The following GFRA2 variants were observed in gnomAD, a reference collection of about 807,000 sequenced individuals.
GFRA2 encodes GDNF family receptor alpha 2, also known as GDNF family receptor alpha-2.
In GFRA2, 17 loss-of-function variants were observed where a neutral mutation model predicts 48.3. The ratio of observed to expected loss-of-function variants is 0.35; its 90% CI spans 0.24 to 0.53. GFRA2 has a LOEUF of 0.53. GFRA2 is among the 20% of genes least tolerant of loss of function. GFRA2 has a pLI of 0.93. For missense variants in GFRA2, 660 were observed against 637.3 expected, an observed-to-expected ratio of 1.04 and a Z score of -0.38; for synonymous variants, 305 against 257.2, an observed-to-expected ratio of 1.19 and a Z score of -1.78.
intron 5 of GFRA2, 62 bp from the exon 6 acceptor site, chr8:21,705,187 A>G (rs1254596886): frequency 1.8e-5 from 27 of 1,535,590 alleles, no homozygotes; most frequent in Non-Finnish European, 2.4e-5. Flanking sequence ...CCTTGGGCCC[A>G]CAGACCAACC....
chr8:21,767,675 A>C (rs2117675876), intron 3 of GFRA2, among the ~76,000 whole-genome samples: 1 of 151,968 alleles, frequency 6.6e-6, no homozygotes, highest in African/African-American at 2.4e-5. Flanking sequence ...ACGGAAGGAG[A>C]AGCAGGCAGG....
rs146865414 is a variant in GFRA2, at chr8:21,728,761, T to C, written c.794+21827A>G. Among the ~76,000 whole-genome samples, 217 of 152,362 alleles carry C rather than the reference T, an allele frequency of 1.4e-3. 2 individuals carry two copies. The highest frequency in any genetic ancestry group is 0.013 in the Admixed American group (199 of 15,300). Reference sequence around the variant, plus strand: ...GTCCCTTAAAATCTCTAATCCTGCGTCCTTATCTGAACACAAAGAAATTCT... The same window carrying C: ...GTCCCTTAAAATCTCTAATCCTGCGCCCTTATCTGAACACAAAGAAATTCT... On this transcript the variant is annotated intron_variant, in intron 4 of 8. Transcript: ENST00000524240.
intron 3 of GFRA2, among the ~76,000 whole-genome samples, chr8:21,762,786 C>T (rs1187459512): frequency 6.6e-6 from 1 of 152,106 alleles, no homozygotes; most frequent in Non-Finnish European, 1.5e-5. Flanking sequence ...TTTGAGTGGC[C>T]TATTTCTTTT....
chr8:21,696,128 TCCCC>T (rs1290376260), intron 7 of GFRA2, among the ~76,000 whole-genome samples: 4 of 4,330 alleles, frequency 9.2e-4, no homozygotes, highest in Non-Finnish European at 9.2e-4. Flanking sequence ...TCCTGTCCCC[TCCCC>T]TCTCCCTCTG....
chr8:21,705,262 C>G, intron 5 of GFRA2, 137 bp from the exon 6 acceptor site: 1 of 765,420 alleles, frequency 1.3e-6, no homozygotes, highest in Admixed American at 2.8e-5. Context: ...ACACATCCAT[C>G]CCAATCGCAC....
intron 3 of GFRA2, among the ~76,000 whole-genome samples, chr8:21,766,656 C>T (rs1228596544): frequency 6.6e-6 from 1 of 150,476 alleles, no homozygotes; most frequent in Non-Finnish European, 1.5e-5. Context: ...CCATGGCTCC[C>T]CTAAGAGGAT....
chr8:21,776,233 GGA>G (rs1170264569), intron 2 of GFRA2, among the ~76,000 whole-genome samples: 2 of 151,958 alleles, frequency 1.3e-5, no homozygotes, highest in Non-Finnish European at 2.9e-5. Flanking sequence ...GGCTGGAACT[GGA>G]GACTCAACTA....
chr8:21,729,381 T>A (rs900673181), intron 4 of GFRA2, among the ~76,000 whole-genome samples: 3 of 152,052 alleles, frequency 2.0e-5, no homozygotes, highest in Admixed American at 1.3e-4. Context: ...GACCTGAGTA[T>A]TACAGGGGAG....
chr8:21,715,626 GACCTGGGCTGGGAAGCCACGGC>G (rs375721511), intron 4 of GFRA2, among the ~76,000 whole-genome samples: 240 of 152,284 alleles, frequency 1.6e-3, no homozygotes, highest in African/African-American at 5.5e-3. Context: ...GGGGAAACAT[GACCTGGGCTGGGAAGCCACGGC>G]ACCCCTTTCT....
At chr8:21,773,479 AT>A (rs1424468655) in intron 3 of GFRA2, among the ~76,000 whole-genome samples, 1 of 152,178 alleles carries the variant, frequency 6.6e-6, no homozygotes, top group East Asian at 1.9e-4. Flanking sequence ...CCCTGTTTCA[AT>A]CTCCTAGAGC....
chr8:21,793,647 A>G (rs764818473), upstream of GFRA2, among the ~76,000 whole-genome samples: 321 of 152,292 alleles, frequency 2.1e-3, 3 homozygotes, highest in Admixed American at 5.0e-3. Flanking sequence ...AAGTGATTCA[A>G]CTGCCCAAGG....
At chr8:21,715,192 T>G (rs1803270620) in intron 4 of GFRA2, among the ~76,000 whole-genome samples, 1 of 152,346 alleles carries the variant, frequency 6.6e-6, no homozygotes, top group African/African-American at 2.4e-5. Flanking sequence ...CCTTCCTTCC[T>G]GTTTATTCTT....
At position 21,788,804 on chromosome 8, in the gene GFRA2, G is replaced by T; in HGVS notation, c.-645C>A. On this transcript the variant is annotated 5_prime_UTR_variant, in exon 1 of 9. Transcript: ENST00000524240. Reference sequence around the variant, plus strand: ...AGTGACCGTGTGTCTCTGCGTGCGTGTGTCTTTCTCTCTCCTCTCTCTCTC... The same window carrying T: ...AGTGACCGTGTGTCTCTGCGTGCGTTTGTCTTTCTCTCTCCTCTCTCTCTC... 2 of 985,378 alleles carry T rather than the reference G, an allele frequency of 2.0e-6. No homozygotes were observed. The highest frequency in any genetic ancestry group is 4.7e-5 in the South Asian group (1 of 21,284). 61.0% of individuals were successfully genotyped at this position (985,378 alleles called of 1,614,324 possible). A position where few individuals can be genotyped will look rare whatever the true frequency, so the allele number is the denominator to read the frequency against.
intron 6 of GFRA2, 98 bp downstream of exon 6, chr8:21,704,887 C>T (rs943017998): frequency 3.1e-6 from 3 of 975,158 alleles, no homozygotes; most frequent in Non-Finnish European, 3.2e-6. Context: ...TCATCTACAT[C>T]ACCAGCCATC....
chr8:21,805,917 T>C (rs142157790), intron 1 of GFRA2, among the ~76,000 whole-genome samples: 2,118 of 152,244 alleles, frequency 0.014, 52 homozygotes, highest in African/African-American at 0.043. Context: ...CAAGCCCCAG[T>C]GGCTGCAGGG....
At chr8:21,723,788 T>C (rs772642078) in intron 4 of GFRA2, among the ~76,000 whole-genome samples, 1 of 152,168 alleles carries the variant, frequency 6.6e-6, no homozygotes, top group African/African-American at 2.4e-5. Flanking sequence ...CATAAGACCA[T>C]TGGCCATGCA....
At chr8:21,762,151 T>C (rs939068678) in intron 3 of GFRA2, among the ~76,000 whole-genome samples, 3 of 152,168 alleles carry the variant, frequency 2.0e-5, no homozygotes, top group Non-Finnish European at 4.4e-5. Flanking sequence ...TCTTCAGGGC[T>C]TCCTCTGCTC....
Position 21,705,145 on chromosome 8 carries a change from G to C in GFRA2, c.905-20C>G, listed in dbSNP as rs1246466589. 6.2e-7 allele frequency: 1 copy of C among 1,601,200 alleles called. No homozygotes were observed. Among genetic ancestry groups the C allele is most frequent in the Non-Finnish European group, 8.5e-7 (1 of 1,174,566 alleles). ...CAAACCCTGGGCAGGAAGAAAGGTG[G>C]GGGAGAGGAGAGAGGTACGGTGGGG... is the stretch of plus-strand genomic sequence containing the variant. On this transcript the variant is annotated intron_variant, in intron 5 of 8. Coordinates refer to ENST00000524240, the MANE Select transcript of GFRA2 (RefSeq NM_001495.5).
intron 7 of GFRA2, among the ~76,000 whole-genome samples, chr8:21,702,082 G>C (rs1208684853): frequency 1.3e-5 from 2 of 152,200 alleles, no homozygotes; most frequent in African/African-American, 2.4e-5. Flanking sequence ...CGCCGCTCTA[G>C]CATGAAATTG....
Sources: allele counts gnomAD v4.1 joint callset (sites outside exome capture counted in the v4.1 genomes callset), GRCh38; gene constraint gnomAD v4.1.1; transcripts MANE v1.5; gene names NCBI Gene and HGNC (gene_info 2026-07-23, HGNC 2026-07-21).